Variants in GRIN2A observed in about 807,000 individuals in gnomAD.
GRIN2A encodes glutamate receptor ionotropic, NMDA 2A.
In GRIN2A, 22 loss-of-function variants were observed where a neutral mutation model predicts 113.4. That is an observed-to-expected ratio of 0.19 (90% CI 0.14 to 0.28). GRIN2A has a LOEUF of 0.28. Among genes scored for constraint, GRIN2A ranks in the 10% least tolerant of loss-of-function variants. GRIN2A has a pLI of 1.00. For synonymous variants in GRIN2A, 827 were observed against 738.4 expected, an observed-to-expected ratio of 1.12 and a Z score of -1.94; for missense variants, 1,502 against 1,887.0, an observed-to-expected ratio of 0.80 and a Z score of 3.78.
chr16:10,048,834 A>G (rs2047305279), intron 2 of GRIN2A, among the ~76,000 whole-genome samples: 1 of 152,120 alleles, frequency 6.6e-6, no homozygotes, highest in African/African-American at 2.4e-5. Flanking sequence ...TCAACCTTGG[A>G]GGGTTTCTGT....
At chr16:9,863,820 C>T (rs1162611727) in intron 4 of GRIN2A, among the ~76,000 whole-genome samples, 1 of 152,112 alleles carries the variant, frequency 6.6e-6, no homozygotes, top group East Asian at 1.9e-4. Context: ...GTTTCTATAT[C>T]TGCATCTGTT....
intron 4 of GRIN2A, among the ~76,000 whole-genome samples, chr16:9,879,123 C>T (rs1464792407): frequency 6.6e-6 from 1 of 152,086 alleles, no homozygotes; most frequent in Non-Finnish European, 1.5e-5. Context: ...TATAATGGCT[C>T]AATTTTCCCT....
chr16:9,879,167 A>G (rs1334368910), intron 4 of GRIN2A, among the ~76,000 whole-genome samples: 2 of 152,274 alleles, frequency 1.3e-5, no homozygotes, highest in South Asian at 4.1e-4. Context: ...AAACTTAACG[A>G]TCATTATATA....
chr16:9,811,855 A>C (rs1210954573), intron 10 of GRIN2A, among the ~76,000 whole-genome samples: 2 of 152,126 alleles, frequency 1.3e-5, no homozygotes, highest in African/African-American at 4.8e-5. Context: ...CCCAGGAGGA[A>C]TTTTCTGACC....
At chr16:10,093,168 C>T (rs1452467162) in intron 2 of GRIN2A, among the ~76,000 whole-genome samples, 2 of 152,164 alleles carry the variant, frequency 1.3e-5, no homozygotes, top group African/African-American at 4.8e-5. Context: ...GAAAGAAGAG[C>T]AAGTGGGGCT....
In GRIN2A at chr16:10,132,386, C is replaced by T. The variant is rs149448509; in HGVS notation, c.414+47612G>A. Among the ~76,000 whole-genome samples, 886 of 132,930 alleles carry T rather than the reference C, an allele frequency of 6.7e-3. 8 individuals are homozygous for T. Among genetic ancestry groups the T allele is most frequent in the African/African-American group, 0.022 (843 of 38,070 alleles). The allele number at this position is 132,930 out of a possible 152,430, so 87.2% of individuals were successfully genotyped here. ...TGTGAAATAACTTGTCCAAAGTAAA[C>T]TCAGCCAGTAATGGGTGGCAAAGCT... On this transcript the variant is annotated intron_variant, in intron 2 of 12. Transcript: ENST00000330684.
At chr16:9,825,575 C>G (rs2042372606) in intron 9 of GRIN2A, among the ~76,000 whole-genome samples, 1 of 152,024 alleles carries the variant, frequency 6.6e-6, no homozygotes, top group Non-Finnish European at 1.5e-5. Flanking sequence ...TTTTGTGAAC[C>G]AAAAACTACC....
chr16:9,958,293 G>A (rs1359469558), intron 2 of GRIN2A, among the ~76,000 whole-genome samples: 2 of 152,066 alleles, frequency 1.3e-5, no homozygotes, highest in African/African-American at 4.8e-5. Context: ...CTTGAATGCT[G>A]ACTTGCCACA....
At chr16:10,111,803 G>C in intron 2 of GRIN2A, 1 of 1,358,496 alleles carries the variant, frequency 7.4e-7, no homozygotes, top group Non-Finnish European at 1.0e-6. Flanking sequence ...GGCTTCTCTT[G>C]CATCCTCATC....
At chr16:10,105,555 G>A (rs1245690397) in intron 2 of GRIN2A, among the ~76,000 whole-genome samples, 2 of 151,968 alleles carry the variant, frequency 1.3e-5, no homozygotes, top group African/African-American at 4.8e-5. Flanking sequence ...ATATGACAGC[G>A]ATTTGGAAGC....
At chr16:9,924,839 G>C (rs1195194412) in intron 3 of GRIN2A, among the ~76,000 whole-genome samples, 1 of 152,036 alleles carries the variant, frequency 6.6e-6, no homozygotes, top group Non-Finnish European at 1.5e-5. Flanking sequence ...ATGCATTGTA[G>C]ATTTTATATC....
At chr16:10,177,492 C>G (rs977941401) in intron 2 of GRIN2A, among the ~76,000 whole-genome samples, 1 of 152,194 alleles carries the variant, frequency 6.6e-6, no homozygotes, top group Non-Finnish European at 1.5e-5. Context: ...ATCGAATCCC[C>G]TCCTCCATTT....
chr16:9,769,345 T>A, intron 11 of GRIN2A: 1 of 176,136 alleles, frequency 5.7e-6, no homozygotes, highest in Non-Finnish European at 1.2e-5. Flanking sequence ...AGAGAGAGAG[T>A]ATAGCAAACT....
chr16:10,117,614 C>A (rs574047742), intron 2 of GRIN2A, among the ~76,000 whole-genome samples: 3 of 152,182 alleles, frequency 2.0e-5, no homozygotes, highest in Admixed American at 6.5e-5. Context: ...CATCCCCGAA[C>A]TGTTCACAGG....
intron 2 of GRIN2A, among the ~76,000 whole-genome samples, chr16:9,988,840 T>C (rs2046038865): frequency 1.3e-5 from 2 of 152,132 alleles, no homozygotes; most frequent in South Asian, 4.1e-4. Context: ...CCACTTTTGA[T>C]GGAATGTAGC....
intron 2 of GRIN2A, among the ~76,000 whole-genome samples, chr16:10,166,869 C>T (rs1180417164): frequency 6.6e-6 from 1 of 152,150 alleles, no homozygotes; most frequent in East Asian, 1.9e-4. Context: ...TTTATGATGA[C>T]CCACATCCAC....
chr16:9,834,057 A>G, intron 8 of GRIN2A, 48 bp downstream of exon 8: 4 of 1,586,774 alleles, frequency 2.5e-6, no homozygotes, highest in Non-Finnish European at 3.5e-6. Context: ...CATTAAAGGT[A>G]AATGAAATTG....
chr16:10,143,275 A>T (rs1463854731), intron 2 of GRIN2A, among the ~76,000 whole-genome samples: 1 of 152,212 alleles, frequency 6.6e-6, no homozygotes, highest in Non-Finnish European at 1.5e-5. Flanking sequence ...GGCCTCCTTA[A>T]CGTGGTGTAT....
At chr16:10,079,596 G>A (rs1392359872) in intron 2 of GRIN2A, among the ~76,000 whole-genome samples, 1 of 152,118 alleles carries the variant, frequency 6.6e-6, no homozygotes, top group Non-Finnish European at 1.5e-5. Context: ...GAGATCAACG[G>A]CCCCTTCCAT....
Sources: gnomAD v4.1 joint callset for allele counts (sites outside exome capture counted in the v4.1 genomes callset) on GRCh38, gnomAD v4.1.1 for gene constraint, MANE v1.5 for transcripts, NCBI Gene and HGNC (gene_info 2026-07-23, HGNC 2026-07-21) for gene names.